Variants in TENM1 observed in about 807,000 individuals in gnomAD.
TENM1 encodes the protein teneurin transmembrane protein 1, also known as teneurin-1.
TENM1 carries 35 observed loss-of-function variants against 174.8 expected under a neutral mutation model. The ratio of observed to expected loss-of-function variants is 0.20; its 90% confidence interval spans 0.15 to 0.27. TENM1 has a LOEUF of 0.27. Among genes scored for constraint, TENM1 ranks in the 10% least tolerant of loss-of-function variants. The pLI is 1.00. For missense variants in TENM1, 1,633 were observed against 2,130.1 expected (o/e 0.77, Z 4.59); for synonymous variants, 781 against 798.7 (o/e 0.98, Z 0.37).
chrX:124,411,115 T>C (rs1330779788), intron 25 of TENM1, among the ~76,000 whole-genome samples: 1 of 111,879 alleles, frequency 8.9e-6, no homozygotes, highest in Non-Finnish European at 1.9e-5. Flanking sequence ...CCCAAACACC[T>C]TTTCAGCTAA....
At chrX:124,598,991 C>A (rs2049969811) in intron 11 of TENM1, among the ~76,000 whole-genome samples, 1 of 111,216 alleles carries the variant, frequency 9.0e-6, no homozygotes, top group Non-Finnish European at 1.9e-5. Flanking sequence ...ACACTGCATG[C>A]CTGTATCAAG....
At chrX:124,523,654 A>G (rs764365029) in intron 16 of TENM1, 29 bp from the exon 20 acceptor site, 1 of 1,183,952 alleles carries the variant, frequency 8.4e-7, no homozygotes, top group Non-Finnish European at 1.1e-6. Context: ...AGACAGTTGC[A>G]ATCAAATGAA....
chrX:124,847,618 T>C (rs1179978015), intron 3 of TENM1, among the ~76,000 whole-genome samples: 1 of 111,735 alleles, frequency 8.9e-6, no homozygotes, highest in East Asian at 2.8e-4. Context: ...GTTGTCTTCC[T>C]CTCATGTATT....
At chrX:125,199,311 G>A in the TENM1 span, among the ~76,000 whole-genome samples, 2 of 111,813 alleles carry the variant, frequency 1.8e-5, no homozygotes, top group African/African-American at 6.5e-5. Flanking sequence ...TAAGCACCCA[G>A]AGAAAAAGTA....
chrX:124,961,335 T>C (rs1465633897), intron 1 of TENM1, among the ~76,000 whole-genome samples: 1 of 111,662 alleles, frequency 9.0e-6, no homozygotes, highest in African/African-American at 3.3e-5. Context: ...AGAATATATA[T>C]AACCATAAGA....
intron 22 of TENM1, among the ~76,000 whole-genome samples, chrX:124,468,353 T>C: frequency 9.1e-6 from 1 of 110,403 alleles, no homozygotes; most frequent in African/African-American, 3.3e-5. Context: ...TTCCTTTTTA[T>C]TTTTAGTAGA....
chrX:125,134,567 G>A, the TENM1 span, among the ~76,000 whole-genome samples: 25 of 111,658 alleles, frequency 2.2e-4, no homozygotes, highest in Non-Finnish European at 4.1e-4. Flanking sequence ...TAGTTTCCCC[G>A]AAACTCCCAA....
chrX:124,567,175 T>C (rs2048960088), intron 11 of TENM1, among the ~76,000 whole-genome samples: 1 of 111,910 alleles, frequency 8.9e-6, no homozygotes. Context: ...AGTGAAAATG[T>C]CAGTGCAACC....
intron 22 of TENM1, among the ~76,000 whole-genome samples, chrX:124,459,483 C>T (rs762894757): frequency 2.7e-5 from 3 of 110,600 alleles, no homozygotes; most frequent in Non-Finnish European, 5.7e-5. Context: ...TAGTTTAAAG[C>T]GATGGGGAAA....
At chrX:124,515,769 C>T (rs1015747226) in intron 18 of TENM1, among the ~76,000 whole-genome samples, 6 of 108,739 alleles carry the variant, frequency 5.5e-5, no homozygotes, top group African/African-American at 1.7e-4. Flanking sequence ...GCCATACCAC[C>T]GAAAGCAATT....
intron 5 of TENM1, among the ~76,000 whole-genome samples, chrX:124,682,009 C>G (rs1276326422): frequency 8.9e-6 from 1 of 111,803 alleles, no homozygotes; most frequent in East Asian, 2.8e-4. Context: ...GAGAGTAACA[C>G]AGAGGGCCTC....
chrX:124,618,318 A>G (rs767072642), intron 11 of TENM1, among the ~76,000 whole-genome samples: 1 of 112,165 alleles, frequency 8.9e-6, no homozygotes, highest in Non-Finnish European at 1.9e-5. Context: ...TTGAGGCATC[A>G]ATACCAACTT....
chrX:124,796,103 A>G (rs1317676142), intron 3 of TENM1, among the ~76,000 whole-genome samples: 1 of 111,601 alleles, frequency 9.0e-6, no homozygotes, highest in African/African-American at 3.3e-5. Context: ...TCACATTCAA[A>G]GAGGATTTTC....
chrX:124,503,447 A>G, intron 19 of TENM1, 113 bp downstream of exon 22: 1 of 651,634 alleles, frequency 1.5e-6, no homozygotes, highest in Non-Finnish European at 2.3e-6. Flanking sequence ...GTCATCTCTA[A>G]GTAGTATTCT....
chrX:124,940,888 T>A (rs1478836350), intron 1 of TENM1, among the ~76,000 whole-genome samples: 1 of 111,820 alleles, frequency 8.9e-6, no homozygotes, highest in African/African-American at 3.3e-5. Context: ...TAATATTTTT[T>A]CTTCATTAGT....
At chrX:124,946,926 TG>T (rs2058411196) in intron 1 of TENM1, among the ~76,000 whole-genome samples, 1 of 81,584 alleles carries the variant, frequency 1.2e-5, no homozygotes, top group African/African-American at 7.9e-5. Flanking sequence ...GCTGTAAAAC[TG>T]AAAAAAAAAA....
chrX:124,893,735 C>T (rs1387583677), intron 3 of TENM1, among the ~76,000 whole-genome samples: 1 of 111,497 alleles, frequency 9.0e-6, no homozygotes, highest in African/African-American at 3.3e-5. Context: ...ACACCAATGC[C>T]CCCTTACTAA....
chrX:125,097,078 G>A, the TENM1 span, among the ~76,000 whole-genome samples: 1 of 110,510 alleles, frequency 9.0e-6, no homozygotes, highest in Admixed American at 9.6e-5. Context: ...TGTCCTCCAG[G>A]GCTGTTCAGC....
At chrX:124,905,456 G>T (rs2057732388) in intron 1 of TENM1, among the ~76,000 whole-genome samples, 1 of 112,051 alleles carries the variant, frequency 8.9e-6, no homozygotes. Context: ...TTGCAAACAA[G>T]ATGGAGTGAC....
Sources: gnomAD v4.1 joint callset for allele counts (sites outside exome capture counted in the v4.1 genomes callset) on GRCh38, gnomAD v4.1.1 for gene constraint, MANE v1.5 for transcripts, NCBI Gene and HGNC (gene_info 2026-07-23, HGNC 2026-07-21) for gene names.